Variants in HSD17B4 observed in about 807,000 individuals in gnomAD.
HSD17B4 encodes hydroxysteroid 17-beta dehydrogenase 4.
HSD17B4 carries 70 observed loss-of-function variants against 101.0 expected under a neutral mutation model. That is an observed-to-expected ratio of 0.69 (90% CI 0.57 to 0.85). HSD17B4 has a LOEUF of 0.85. Ranked by LOEUF, HSD17B4 falls within the 40% of genes least tolerant of loss-of-function variation. HSD17B4 has a pLI of 0.00. For missense variants in HSD17B4, 984 were observed against 892.4 expected (o/e 1.10, Z -1.31); for synonymous variants, 347 against 297.1 (o/e 1.17, Z -1.73).
chr5:119,472,932 C>A (rs1373324582), intron 2 of HSD17B4, among the ~76,000 whole-genome samples: 1 of 152,170 alleles, frequency 6.6e-6, no homozygotes, highest in African/African-American at 2.4e-5. Context: ...AGAGTTTATT[C>A]ATATTATCAC....
At chr5:119,454,881 TA>T (rs1754443958) in intron 1 of HSD17B4, among the ~76,000 whole-genome samples, 2 of 152,128 alleles carry the variant, frequency 1.3e-5, no homozygotes, top group South Asian at 4.1e-4. Flanking sequence ...CTCTGTCTCA[TA>T]AAGTGTTGGG....
intron 13 of HSD17B4, among the ~76,000 whole-genome samples, chr5:119,500,731 CA>C (rs1561464682): frequency 6.6e-6 from 1 of 151,896 alleles, no homozygotes; most frequent in South Asian, 2.1e-4. Context: ...GAGGAACTAG[CA>C]AAAAGAGACT....
chr5:119,524,113 C>T (rs567302555), intron 17 of HSD17B4, among the ~76,000 whole-genome samples: 1 of 152,068 alleles, frequency 6.6e-6, no homozygotes, highest in East Asian at 1.9e-4. Context: ...TGCAAGTCAC[C>T]AGTATTCAAT....
intron 2 of HSD17B4, among the ~76,000 whole-genome samples, chr5:119,470,330 G>A (rs538704852): frequency 4.1e-4 from 62 of 152,086 alleles, no homozygotes; most frequent in Non-Finnish European, 7.8e-4. Context: ...GGCACCCCTA[G>A]GATGTGGAGG....
chr5:119,530,013 C>T (rs1045470890), intron 21 of HSD17B4, 33 bp downstream of exon 21: 12 of 1,264,334 alleles, frequency 9.5e-6, no homozygotes, highest in Admixed American at 1.7e-5. Flanking sequence ...CAAGCCACTT[C>T]CTCATTTAGG....
chr5:119,532,310 C>T (rs1229375847), intron 22 of HSD17B4, among the ~76,000 whole-genome samples: 1 of 152,070 alleles, frequency 6.6e-6, no homozygotes, highest in African/African-American at 2.4e-5. Context: ...TGTTTTCTCT[C>T]ATTTGACTTT....
At chr5:119,534,739 T>G (rs1021473414) in intron 22 of HSD17B4, among the ~76,000 whole-genome samples, 2 of 152,102 alleles carry the variant, frequency 1.3e-5, no homozygotes, top group African/African-American at 4.8e-5. Flanking sequence ...AGGAATATGC[T>G]CTCCAGTTAG....
chr5:119,536,341 G>T, intron 22 of HSD17B4, 82 bp from the exon 23 acceptor site: 1 of 1,201,310 alleles, frequency 8.3e-7, no homozygotes, highest in East Asian at 2.3e-5. Context: ...CTATAGAAAT[G>T]TCTGCATTTT....
rs185098030 is a variant in HSD17B4 at position 119,506,911 on chromosome 5, T to C, written c.1333+22T>C. The C allele has an allele frequency of 3.1e-5, 38 of 1,232,514 alleles. No homozygotes were observed. In the Admixed American group the frequency reaches 5.9e-4, roughly 19 times the overall value. 76.3% of individuals were successfully genotyped at this position (1,232,514 alleles called of 1,614,324 possible). A position where few individuals can be genotyped will look rare whatever the true frequency, so the allele number is the denominator to read the frequency against. On this transcript the variant is annotated intron_variant, in intron 15 of 23. Transcript: ENST00000510025. ...GATGGTAATTTATTTACAATTCTTA[T>C]AATAATATTGTTAGATTGATAGGCT...
intron 14 of HSD17B4, among the ~76,000 whole-genome samples, chr5:119,503,980 GTCCACGTGTACCCAGAGT>G (rs1751428608): frequency 6.6e-6 from 1 of 151,944 alleles, no homozygotes; most frequent in Non-Finnish European, 1.5e-5. Context: ...CCATCTTTAT[GTCCACGTGTACCCAGAGT>G]TCAGCTCCCA....
At chr5:119,470,562 TC>T (rs1756265097) in intron 2 of HSD17B4, among the ~76,000 whole-genome samples, 1 of 152,160 alleles carries the variant, frequency 6.6e-6, no homozygotes, top group Non-Finnish European at 1.5e-5. Context: ...CTCTTGGGTG[TC>T]CCCCACTTAA....
At position 119,512,347 on chromosome 5, in the gene HSD17B4, A is replaced by T. The variant is rs528063279; in HGVS notation, c.1438-2634A>T. On this transcript the variant is annotated intron_variant, in intron 16 of 23. Coordinates refer to ENST00000510025, the MANE Select transcript of HSD17B4 (RefSeq NM_000414.4). ...CATTATACATCCAAGAAGCTCAGTCAACTCCAAATAGATTATATATCTAAA... is the reference window on the plus strand; with the variant it reads ...CATTATACATCCAAGAAGCTCAGTCTACTCCAAATAGATTATATATCTAAA... 3.3e-4 allele frequency among the ~76,000 whole-genome samples: 51 copies of T among 152,306 alleles called. 1 individual carries two copies. In the South Asian group the frequency reaches 6.6e-3, roughly 20 times the overall value.
chr5:119,486,703 T>C (rs1478118392), intron 8 of HSD17B4, among the ~76,000 whole-genome samples: 1 of 152,190 alleles, frequency 6.6e-6, no homozygotes, highest in African/African-American at 2.4e-5. Flanking sequence ...TCGGTTGCTT[T>C]TTAATTAATC....
chr5:119,514,558 A>C (rs141727275), intron 16 of HSD17B4, among the ~76,000 whole-genome samples: 23 of 152,294 alleles, frequency 1.5e-4, no homozygotes, highest in African/African-American at 5.1e-4. Flanking sequence ...TTGGTAACCA[A>C]CTTTAAAATG....
At chr5:119,540,265 G>A (rs961970423) in intron 23 of HSD17B4, among the ~76,000 whole-genome samples, 7 of 152,172 alleles carry the variant, frequency 4.6e-5, no homozygotes, top group African/African-American at 1.7e-4. Context: ...CAACCAGTAT[G>A]ACTGTATTTC....
chr5:119,460,126 C>T (rs778152356), intron 2 of HSD17B4, among the ~76,000 whole-genome samples: 6 of 151,442 alleles, frequency 4.0e-5, no homozygotes, highest in East Asian at 3.9e-4. Flanking sequence ...CCGCCCGCCT[C>T]GGCCTCCCAA....
intron 13 of HSD17B4, among the ~76,000 whole-genome samples, chr5:119,501,378 T>C (rs994749417): frequency 8.6e-5 from 13 of 151,514 alleles, no homozygotes; most frequent in Admixed American, 2.6e-4. Context: ...CCCTCTGCAG[T>C]GAAAGTGGGA....
At chr5:119,524,474 C>A (rs67990368) in intron 17 of HSD17B4, among the ~76,000 whole-genome samples, 19,695 of 152,090 alleles carry the variant, frequency 0.13, 2,043 homozygotes, top group African/African-American at 0.29. Flanking sequence ...AAGGGTCGGT[C>A]AAGTTTACAG....
chr5:119,532,912 T>C (rs957088037), intron 22 of HSD17B4, among the ~76,000 whole-genome samples: 1 of 152,158 alleles, frequency 6.6e-6, no homozygotes, highest in Non-Finnish European at 1.5e-5. Context: ...CTTGAACTTA[T>C]ATGATGCTGT....
Sources: gnomAD v4.1 joint callset for allele counts (sites outside exome capture counted in the v4.1 genomes callset) on GRCh38, gnomAD v4.1.1 for gene constraint, MANE v1.5 for transcripts, NCBI Gene and HGNC (gene_info 2026-07-23, HGNC 2026-07-21) for gene names.